The following RAB3GAP2 variants were observed in gnomAD, a reference collection of about 807,000 sequenced individuals.
The protein encoded by RAB3GAP2 is rab3 GTPase-activating protein non-catalytic subunit.
Under a neutral mutation model 185.3 loss-of-function variants are expected in RAB3GAP2, and 87 were observed. The ratio of observed to expected loss-of-function variants is 0.47; its 90% CI spans 0.39 to 0.56. The LOEUF (loss-of-function observed/expected upper bound fraction) is 0.56, where lower values mean the gene tolerates loss of function less well. Among genes scored for constraint, RAB3GAP2 ranks in the 20% least tolerant of loss-of-function variants. RAB3GAP2 has a pLI of 0.00. For missense variants in RAB3GAP2, 1,492 were observed against 1,638.2 expected (o/e 0.91, Z 1.54); for synonymous variants, 554 against 576.1 (o/e 0.96, Z 0.55).
At position 220,171,044 on chromosome 1, in the gene RAB3GAP2, T is replaced by C. The variant is rs767209529; in HGVS notation, c.2654A>G (p.Tyr885Cys). 27 of 1,614,052 alleles carry C rather than the reference T, an allele frequency of 1.7e-5. No individual in the cohort carries two copies. Among genetic ancestry groups the C allele is most frequent in the Non-Finnish European group, 2.1e-5 (25 of 1,180,006 alleles). The change falls in exon 24 of 35, where the codon TAC (tyrosine) becomes TGC (cysteine). Residue 885 changes from tyrosine (Y) to cysteine (C), a missense_variant. Around this residue, in one of 5 missense-constraint regions of RAB3GAP2, gnomAD observed 681 missense variants for 689.1 expected, o/e 0.99. Coordinates refer to ENST00000358951, the MANE Select transcript of RAB3GAP2 (RefSeq NM_012414.4). The part of the protein sequence containing the change: ...SWEALSLDTE[Y>C]WKLLLKQLED... ...CAGCTGTTTCAGAAGGAGTTTCCAG[T>C]ACTCAGTGTCAAGAGAAAGTGCCTC...
At chr1:220,244,087 G>A (rs1396058664) in intron 1 of RAB3GAP2, among the ~76,000 whole-genome samples, 3 of 152,064 alleles carry the variant, frequency 2.0e-5, no homozygotes, top group Admixed American at 6.5e-5. Flanking sequence ...AAGAAATAAA[G>A]GCCATCCAAA....
In RAB3GAP2 at chr1:220,182,280, C is replaced by T. The variant is rs1299314592; in HGVS notation, c.2287G>A (p.Gly763Ser). ...EDMCHTLESA[G>S]LSPQLLLSLL... Reference sequence around the variant, plus strand: ...ACCAACAACAGCTGAGGGCTAAGACCAGCCGACTCCAAAGTGTGACACATA... The same window carrying T: ...ACCAACAACAGCTGAGGGCTAAGACTAGCCGACTCCAAAGTGTGACACATA... The change falls in exon 21 of 35, where the codon GGT becomes AGT. Residue 763 changes from glycine (G) to serine (S), a missense_variant. Physicochemically the swap from Gly to Ser is moderately conservative, Grantham distance 56. This residue lies in a region of RAB3GAP2 where 681 missense variants were observed against 689.1 expected (regional missense o/e 0.99). Coordinates refer to ENST00000358951, the MANE Select transcript of RAB3GAP2 (RefSeq NM_012414.4). 6.2e-7 allele frequency: 1 copy of T among 1,613,952 alleles called. No individual in the cohort carries two copies. Among genetic ancestry groups the T allele is most frequent in the Non-Finnish European group, 8.5e-7 (1 of 1,179,962 alleles).
At chr1:220,190,874 G>A (rs897060647) in intron 14 of RAB3GAP2, among the ~76,000 whole-genome samples, 194 bp downstream of exon 14, 5 of 151,806 alleles carry the variant, frequency 3.3e-5, no homozygotes, top group Non-Finnish European at 7.4e-5. Flanking sequence ...AGTCTATCAT[G>A]GCATTTTTAA....
intron 24 of RAB3GAP2, among the ~76,000 whole-genome samples, chr1:220,170,658 T>C (rs1416693783): frequency 6.6e-6 from 1 of 152,184 alleles, no homozygotes; most frequent in East Asian, 1.9e-4. Context: ...GACCACTCTT[T>C]GAGAATCACT....
At chr1:220,157,980 C>T in intron 29 of RAB3GAP2, 104 bp from the exon 30 acceptor site, 2 of 850,822 alleles carry the variant, frequency 2.4e-6, no homozygotes, top group Admixed American at 2.0e-5. Context: ...AGCTGACTTT[C>T]CACACTGAAT....
intron 1 of RAB3GAP2, among the ~76,000 whole-genome samples, chr1:220,240,010 A>C (rs1277436794): frequency 6.6e-6 from 1 of 151,606 alleles, no homozygotes; most frequent in African/African-American, 2.4e-5. Context: ...AAAAAAAAGA[A>C]CACCACATCA....
intron 1 of RAB3GAP2, chr1:220,266,362 A>G (rs906352283): frequency 1.2e-5 from 5 of 408,878 alleles, no homozygotes; most frequent in African/African-American, 8.1e-5. Context: ...GAGTCAGCAC[A>G]AAGTGGTCAC....
Position 220,157,760 on chromosome 1 carries a change from T to C in RAB3GAP2, c.3336+42A>G, listed in dbSNP as rs374670929. ...ATGCAATGGTTTGCAGAATATGTAA[T>C]ATCTTAGGAGCAGTTCAGAATGAAA... is the stretch of plus-strand genomic sequence containing the variant. On this transcript the variant is annotated intron_variant, in intron 30 of 34. Transcript: ENST00000358951. 15 of 1,477,870 alleles carry C rather than the reference T, an allele frequency of 1.0e-5. No homozygotes were observed. In the African/African-American group the frequency reaches 2.1e-4, roughly 21 times the overall value. 91.5% of individuals were successfully genotyped at this position (1,477,870 alleles called of 1,614,324 possible).
chr1:220,201,647 GCAC>G (rs1160736194), intron 9 of RAB3GAP2, among the ~76,000 whole-genome samples: 4 of 152,078 alleles, frequency 2.6e-5, no homozygotes, highest in Non-Finnish European at 5.9e-5. Context: ...ATACAGGTGT[GCAC>G]CACCACACCT....
At chr1:220,172,611 T>G (rs1210913541) in intron 22 of RAB3GAP2, 26 bp downstream of exon 22, 2 of 1,499,532 alleles carry the variant, frequency 1.3e-6, no homozygotes, top group East Asian at 2.3e-5. Flanking sequence ...GAAACTTTGT[T>G]GACGAGAGCA....
rs1042074034 is a variant in RAB3GAP2 at position 220,266,891 on chromosome 1, G to A, written c.115+5332C>T. On this transcript the variant is annotated intron_variant, in intron 1 of 34. Coordinates refer to ENST00000358951, the MANE Select transcript of RAB3GAP2 (RefSeq NM_012414.4). ...GTCAGGGAATGTGAATTCTCAACCCGTGATATTCTTTTGTAGGTCTCTTGG... is the reference window on the plus strand; with the variant it reads ...GTCAGGGAATGTGAATTCTCAACCCATGATATTCTTTTGTAGGTCTCTTGG... 65 of 1,592,626 alleles carry A rather than the reference G, an allele frequency of 4.1e-5. 1 individual carries two copies. Among genetic ancestry groups the A allele is most frequent in the Admixed American group, 3.7e-4 (22 of 59,970 alleles).
intron 1 of RAB3GAP2, among the ~76,000 whole-genome samples, chr1:220,246,392 C>A (rs1481385583): frequency 3.8e-4 from 55 of 144,752 alleles, no homozygotes; most frequent in African/African-American, 1.4e-3. Flanking sequence ...ACTAGAAATA[C>A]CATTTGACCC....
chr1:220,151,243 G>A lies in RAB3GAP2; in HGVS notation c.*8C>T. The A allele has an allele frequency of 6.2e-7, 1 of 1,611,934 alleles. No individual in the cohort carries two copies. Among genetic ancestry groups the A allele is most frequent in the East Asian group, 2.2e-5 (1 of 44,856 alleles). On this transcript the variant is annotated 3_prime_UTR_variant, in exon 35 of 35. Coordinates refer to ENST00000358951, the MANE Select transcript of RAB3GAP2 (RefSeq NM_012414.4). ...TCATAATTTTAGACTATTTCCAGTAGGTAAGTGTCATAAAGAAGGAAGAGA... is the reference window on the plus strand; with the variant it reads ...TCATAATTTTAGACTATTTCCAGTAAGTAAGTGTCATAAAGAAGGAAGAGA...
chr1:220,198,638 ACT>A (rs1658774997), intron 9 of RAB3GAP2, among the ~76,000 whole-genome samples: 1 of 152,020 alleles, frequency 6.6e-6, no homozygotes, highest in Admixed American at 6.6e-5. Context: ...TATTAAATTC[ACT>A]GTTTTTATTA....
At chr1:220,270,672 G>A (rs996471592) in intron 1 of RAB3GAP2, among the ~76,000 whole-genome samples, 4 of 152,046 alleles carry the variant, frequency 2.6e-5, no homozygotes, top group African/African-American at 9.7e-5. Flanking sequence ...CTTAATTCAA[G>A]CTCACATAAT....
At chr1:220,180,971 AC>A (rs1157587363) in intron 21 of RAB3GAP2, among the ~76,000 whole-genome samples, 1 of 152,206 alleles carries the variant, frequency 6.6e-6, no homozygotes, top group Non-Finnish European at 1.5e-5. Context: ...TTCCATCTAT[AC>A]TGAACATGTA....
intron 2 of RAB3GAP2, among the ~76,000 whole-genome samples, chr1:220,214,954 A>ATATATATATT (rs1659160497): frequency 8.5e-6 from 1 of 118,230 alleles, no homozygotes; most frequent in Admixed American, 8.0e-5. Context: ...CATTATATAT[A>ATATATATATT]TATATATATA....
At chr1:220,247,114 T>C (rs1174660341) in intron 1 of RAB3GAP2, among the ~76,000 whole-genome samples, 1 of 152,138 alleles carries the variant, frequency 6.6e-6, no homozygotes, top group Non-Finnish European at 1.5e-5. Flanking sequence ...CAATAGATGT[T>C]GGCATGGATG....
intron 2 of RAB3GAP2, among the ~76,000 whole-genome samples, chr1:220,227,998 C>T (rs61830453): frequency 0.047 from 7,098 of 152,292 alleles, 323 homozygotes; most frequent in East Asian, 0.26. Context: ...AGTGATCTGA[C>T]CGCCTCAGCC....
Sources: allele counts gnomAD v4.1 joint callset (sites outside exome capture counted in the v4.1 genomes callset), GRCh38; gene constraint gnomAD v4.1.1; regional missense constraint gnomAD v4.1.1; transcripts MANE v1.5; gene names NCBI Gene and HGNC (gene_info 2026-07-23, HGNC 2026-07-21).